Variants in RCBTB1 observed in about 807,000 individuals in gnomAD.
The protein encoded by RCBTB1 is RCC1 and BTB domain-containing protein 1.
RCBTB1 carries 46 observed loss-of-function variants against 62.4 expected under a neutral mutation model. The ratio of observed to expected loss-of-function variants is 0.74; its 90% CI spans 0.58 to 0.94. The LOEUF is 0.94. Ranked by LOEUF, RCBTB1 falls within the 40% of genes least tolerant of loss-of-function variation. The pLI is 0.00. For missense variants in RCBTB1, 565 were observed against 654.9 expected (o/e 0.86, Z 1.50); for synonymous variants, 222 against 245.8 (o/e 0.90, Z 0.91).
chr13:49,546,032 C>T (rs2139153169), intron 9 of RCBTB1: 1 of 958,706 alleles, frequency 1.0e-6, no homozygotes, highest in East Asian at 1.1e-4. Flanking sequence ...GAAAACCTCT[C>T]AAAAGTCAGG....
chr13:49,543,124 G>A (rs56856971), intron 10 of RCBTB1, among the ~76,000 whole-genome samples: 8,866 of 152,094 alleles, frequency 0.058, 339 homozygotes, highest in South Asian at 0.12. Context: ...TTAGCTGGGC[G>A]TGGTTAGTGC....
chr13:49,542,257 G>T (rs1960441736), intron 10 of RCBTB1, among the ~76,000 whole-genome samples: 1 of 150,848 alleles, frequency 6.6e-6, no homozygotes, highest in Admixed American at 6.6e-5. Context: ...ATCTGGGCCT[G>T]AACACACCAG....
intron 10 of RCBTB1, among the ~76,000 whole-genome samples, chr13:49,542,569 T>G (rs1960469875): frequency 3.9e-5 from 6 of 152,198 alleles, no homozygotes; most frequent in Admixed American, 1.3e-4. Context: ...AAATGATTCA[T>G]TTGTTTTTTG....
At chr13:49,582,547 T>C (rs1457404852) in intron 1 of RCBTB1, among the ~76,000 whole-genome samples, 1 of 152,134 alleles carries the variant, frequency 6.6e-6, no homozygotes. Context: ...AAGTCTTCCT[T>C]TTCTTCCTTC....
In RCBTB1 at chr13:49,555,691, A is replaced by C. The variant is rs761045887; in HGVS notation, c.445-18T>G. On this transcript the variant is annotated intron_variant, in intron 5 of 12. Transcript: ENST00000378302. ...GCAAACACCTACAAGAGAAAGAAAA[A>C]GGAAAAGGAAAGAATAGTCAGGGTG... The C allele has an allele frequency of 2.0e-6, 3 of 1,537,330 alleles. No individual in the cohort carries two copies. Among genetic ancestry groups the C allele is most frequent in the South Asian group, 2.5e-5 (2 of 80,006 alleles).
At chr13:49,577,089 TC>T (rs1233100694) in intron 2 of RCBTB1, among the ~76,000 whole-genome samples, 2 of 152,248 alleles carry the variant, frequency 1.3e-5, no homozygotes, top group Non-Finnish European at 2.9e-5. Context: ...ATTGGCACTG[TC>T]CCTCAGAGAA....
intron 4 of RCBTB1, among the ~76,000 whole-genome samples, chr13:49,564,091 C>T (rs1962700282): frequency 6.6e-6 from 1 of 152,072 alleles, no homozygotes; most frequent in Non-Finnish European, 1.5e-5. Context: ...CAGTACAGAT[C>T]GATTACACAC....
rs1963107970 is a variant in RCBTB1 at position 49,567,520 on chromosome 13, A to C, written c.-41-200T>G. On this transcript the variant is annotated intron_variant, in intron 2 of 12. Transcript: ENST00000378302. ...CAAACCCCGGACTTTCCTACAAGAG[A>C]ATAACGTGCAAGAACTAGCTGTTTG... Among the ~76,000 whole-genome samples, 4 of 152,144 alleles carry C rather than the reference A, an allele frequency of 2.6e-5. No individual in the cohort carries two copies. In the South Asian group the frequency reaches 8.3e-4, roughly 31 times the overall value.
At chr13:49,539,178 T>TTTA (rs1555281733) in intron 12 of RCBTB1, among the ~76,000 whole-genome samples, 2 of 150,880 alleles carry the variant, frequency 1.3e-5, no homozygotes, top group Non-Finnish European at 3.0e-5. Context: ...TTTTTTTTTT[T>TTTA]AAGCACACCT....
At chr13:49,572,629 C>G (rs943162032) in intron 2 of RCBTB1, among the ~76,000 whole-genome samples, 1 of 152,028 alleles carries the variant, frequency 6.6e-6, no homozygotes, top group African/African-American at 2.4e-5. Flanking sequence ...ATGGCAAAAC[C>G]CTGTCTCCAC....
At chr13:49,556,727 T>C (rs1419245114) in intron 5 of RCBTB1, among the ~76,000 whole-genome samples, 1 of 152,186 alleles carries the variant, frequency 6.6e-6, no homozygotes. Flanking sequence ...GTGTTACAGG[T>C]TCATTTCACA....
intron 8 of RCBTB1, chr13:49,549,998 T>C: frequency 3.6e-6 from 3 of 830,764 alleles, no homozygotes; most frequent in Non-Finnish European, 4.4e-6. Context: ...TTCTTTTTTT[T>C]TTCTTTTTTG....
intron 6 of RCBTB1, 40 bp from the exon 7 acceptor site, chr13:49,552,325 T>G (rs1192943223): frequency 7.4e-7 from 1 of 1,360,442 alleles, no homozygotes. Flanking sequence ...ATTTTTAAAC[T>G]GCTGGTAAGA....
intron 9 of RCBTB1, among the ~76,000 whole-genome samples, chr13:49,548,020 CCACCCA>C (rs1960962635): frequency 6.6e-6 from 1 of 152,114 alleles, no homozygotes; most frequent in Admixed American, 6.5e-5. Context: ...CTCAAGCAAT[CCACCCA>C]CCTTGGCCTC....
At chr13:49,543,789 A>AATCCTTC (rs760723441) in intron 10 of RCBTB1, among the ~76,000 whole-genome samples, 1 of 152,160 alleles carries the variant, frequency 6.6e-6, no homozygotes, top group Non-Finnish European at 1.5e-5. Context: ...GGGCTCAAGC[A>AATCCTTC]ATCCTTCCAC....
At chr13:49,549,413 G>A in intron 9 of RCBTB1, 45 bp downstream of exon 9, 1 of 1,553,936 alleles carries the variant, frequency 6.4e-7, no homozygotes, top group Non-Finnish European at 8.7e-7. Flanking sequence ...TGGTCAGTTG[G>A]TAGTACCATT....
intron 6 of RCBTB1, among the ~76,000 whole-genome samples, chr13:49,553,324 G>A (rs887013836): frequency 1.3e-5 from 2 of 152,182 alleles, no homozygotes; most frequent in African/African-American, 2.4e-5. Context: ...AGATGATGGA[G>A]CATATAAGGC....
chr13:49,579,153 C>T (rs979234435), intron 2 of RCBTB1, among the ~76,000 whole-genome samples: 7 of 152,120 alleles, frequency 4.6e-5, no homozygotes, highest in Non-Finnish European at 1.0e-4. Context: ...TAAGAATCAG[C>T]CTCAAACATT....
chr13:49,568,956 T>C (rs1963214749), intron 2 of RCBTB1, among the ~76,000 whole-genome samples: 1 of 152,150 alleles, frequency 6.6e-6, no homozygotes, highest in Non-Finnish European at 1.5e-5. Flanking sequence ...TCAGAATAAT[T>C]GCAACAATAA....
Sources: allele counts gnomAD v4.1 joint callset (sites outside exome capture counted in the v4.1 genomes callset), GRCh38; gene constraint gnomAD v4.1.1; transcripts MANE v1.5; gene names NCBI Gene and HGNC (gene_info 2026-07-23, HGNC 2026-07-21).